Variants in RUNX1 observed in about 807,000 individuals in gnomAD.
RUNX1 encodes the protein runt-related transcription factor 1.
Under a neutral mutation model 42.8 loss-of-function variants are expected in RUNX1, and 19 were observed. That is an observed-to-expected ratio of 0.44 (90% CI 0.31 to 0.65). RUNX1 has a LOEUF of 0.65. Ranked by LOEUF, RUNX1 falls within the 30% of genes least tolerant of loss-of-function variation. The pLI, the probability that RUNX1 is intolerant of heterozygous loss-of-function variation, is 0.07. For synonymous variants in RUNX1, 271 were observed against 289.4 expected (o/e 0.94, Z 0.64); for missense variants, 528 against 672.0 (o/e 0.79, Z 2.37).
At chr21:34,986,008 T>C (rs2058884623) in intron 2 of RUNX1, among the ~76,000 whole-genome samples, 2 of 151,598 alleles carry the variant, frequency 1.3e-5, no homozygotes, top group Admixed American at 1.3e-4. Context: ...AAGTAGCTGG[T>C]ACTACAGGCA....
intron 2 of RUNX1, among the ~76,000 whole-genome samples, chr21:34,983,062 C>T (rs535144784): frequency 1.3e-5 from 2 of 152,280 alleles, no homozygotes; most frequent in Admixed American, 1.3e-4. Context: ...GGTTCTTTCT[C>T]TCATCCATGA....
chr21:34,878,273 G>A (rs1194147855), intron 5 of RUNX1, among the ~76,000 whole-genome samples: 1 of 148,804 alleles, frequency 6.7e-6, no homozygotes, highest in Non-Finnish European at 1.5e-5. Context: ...TATATTTTAT[G>A]ACTATGGAAA....
intron 4 of RUNX1, 150 bp downstream of exon 4, chr21:34,886,693 C>A (rs1569083796): frequency 4.8e-6 from 6 of 1,259,456 alleles, no homozygotes; most frequent in Non-Finnish European, 6.6e-6. Context: ...AACACAGCAT[C>A]CCCCACATCC....
intron 2 of RUNX1, among the ~76,000 whole-genome samples, chr21:35,042,023 C>A (rs147331040): frequency 0.01 from 1,562 of 152,276 alleles, 20 homozygotes; most frequent in Non-Finnish European, 0.013. Flanking sequence ...CTATTTCCAG[C>A]TGCGAGAAAC....
At chr21:34,865,227 G>T (rs1390628547) in intron 5 of RUNX1, among the ~76,000 whole-genome samples, 1 of 151,726 alleles carries the variant, frequency 6.6e-6, no homozygotes, top group Non-Finnish European at 1.5e-5. Context: ...CCCGTAAGAA[G>T]GAGCTGGGGA....
At chr21:34,849,268 A>ACT in intron 6 of RUNX1, among the ~76,000 whole-genome samples, 2 of 44,052 alleles carry the variant, frequency 4.5e-5, no homozygotes, top group African/African-American at 1.5e-4. Context: ...ATATATATAT[A>ACT]ATATATATAT....
At chr21:34,819,919 G>A (rs570262139) in intron 7 of RUNX1, among the ~76,000 whole-genome samples, 1 of 152,404 alleles carries the variant, frequency 6.6e-6, no homozygotes, top group South Asian at 2.1e-4. Flanking sequence ...GGCCGGGCTT[G>A]TGGGAGGAAT....
At chr21:34,834,218 G>A (rs1375056817) in intron 7 of RUNX1, 192 bp downstream of exon 7, 2 of 706,974 alleles carry the variant, frequency 2.8e-6, no homozygotes, top group East Asian at 2.7e-5. Context: ...TGACTCGGTG[G>A]GTCTGGGGTG....
chr21:34,889,878 C>G, intron 3 of RUNX1: 1 of 1,070,950 alleles, frequency 9.3e-7, no homozygotes, highest in African/African-American at 1.6e-5. Flanking sequence ...CCCTGCACCT[C>G]CCGGGGCCTC....
chr21:34,989,066 T>C (rs191874179), intron 2 of RUNX1, among the ~76,000 whole-genome samples: 7 of 151,750 alleles, frequency 4.6e-5, no homozygotes, highest in Non-Finnish European at 7.4e-5. Flanking sequence ...TGGAGTGCAA[T>C]GGCATGATCT....
chr21:34,880,132 C>T (rs1474238396), intron 5 of RUNX1, among the ~76,000 whole-genome samples: 37 of 152,188 alleles, frequency 2.4e-4, no homozygotes, highest in Admixed American at 2.6e-4. Context: ...AGTGGTCATT[C>T]GAAACTCTGT....
chr21:34,991,946 C>A (rs2058946227), intron 2 of RUNX1, among the ~76,000 whole-genome samples: 1 of 152,154 alleles, frequency 6.6e-6, no homozygotes, highest in African/African-American at 2.4e-5. Flanking sequence ...CTAAGGAGTG[C>A]TGGCAACTGC....
intron 5 of RUNX1, among the ~76,000 whole-genome samples, chr21:34,874,610 CAAAAAAAA>C (rs59950735): frequency 4.0e-5 from 1 of 25,300 alleles, no homozygotes; most frequent in Non-Finnish European, 6.4e-5. Flanking sequence ...AACTCTGTCT[CAAAAAAAA>C]AAAAAAAAAA....
chr21:34,999,779 C>T (rs995210738), intron 2 of RUNX1, among the ~76,000 whole-genome samples: 4 of 152,188 alleles, frequency 2.6e-5, no homozygotes, highest in Admixed American at 2.0e-4. Flanking sequence ...AGGCACAAGA[C>T]GGTGTAAATC....
At chr21:35,034,086 T>C (rs948477751) in intron 2 of RUNX1, among the ~76,000 whole-genome samples, 1 of 152,198 alleles carries the variant, frequency 6.6e-6, no homozygotes, top group East Asian at 1.9e-4. Flanking sequence ...AGCTTATTCG[T>C]CAGGCACCCA....
At chr21:34,841,094 T>C (rs1429460333) in intron 6 of RUNX1, among the ~76,000 whole-genome samples, 1 of 152,086 alleles carries the variant, frequency 6.6e-6, no homozygotes, top group Non-Finnish European at 1.5e-5. Flanking sequence ...CTTGTCTGGG[T>C]TGGAAAACAA....
intron 2 of RUNX1, among the ~76,000 whole-genome samples, chr21:34,894,918 CACACACACACATAT>C (rs930098699): frequency 4.2e-5 from 6 of 144,490 alleles, no homozygotes; most frequent in African/African-American, 1.7e-4. Flanking sequence ...CACACACACA[CACACACACACATAT>C]TCATATCTAC....
chr21:34,859,935 T>C (rs1271607049), intron 5 of RUNX1, among the ~76,000 whole-genome samples: 1 of 152,242 alleles, frequency 6.6e-6, no homozygotes, highest in African/African-American at 2.4e-5. Flanking sequence ...CCCAATTATT[T>C]ATAATTCAGG....
At position 34,843,359 on chromosome 21, in the gene RUNX1, C is replaced by T. The variant is rs965548423; in HGVS notation, c.614-8758G>A. Among the ~76,000 whole-genome samples, 16 of 151,994 alleles carry T rather than the reference C, an allele frequency of 1.1e-4. No homozygotes were observed. The highest frequency in any genetic ancestry group is 3.9e-4 in the East Asian group (2 of 5,192). On this transcript the variant is annotated intron_variant, in intron 6 of 8. Coordinates refer to ENST00000675419, the MANE Select transcript of RUNX1 (RefSeq NM_001754.5). This position sits in a 1 kb window ranked among gnomAD's most constrained non-coding sequence, Gnocchi z 4.8. ...ACCAGGACAGACACATATATACAGACGCACACACACATATACATATATCAC... is the reference window on the plus strand; with the variant it reads ...ACCAGGACAGACACATATATACAGATGCACACACACATATACATATATCAC...
Sources: gnomAD v4.1 joint callset for allele counts (sites outside exome capture counted in the v4.1 genomes callset) on GRCh38, gnomAD v4.1.1 for gene constraint, Gnocchi (gnomAD v3.1) non-coding constraint, MANE v1.5 for transcripts, NCBI Gene and HGNC (gene_info 2026-07-23, HGNC 2026-07-21) for gene names.